Variants in PEAK1 observed in about 807,000 individuals in gnomAD.
PEAK1 encodes pseudopodium enriched atypical kinase 1.
PEAK1 carries 54 observed loss-of-function variants against 124.7 expected under a neutral mutation model. That is an observed-to-expected ratio of 0.43 (90% confidence interval 0.35 to 0.54). The LOEUF (loss-of-function observed/expected upper bound fraction) is 0.54. Among genes scored for constraint, PEAK1 ranks in the 20% least tolerant of loss-of-function variants. The probability of loss-of-function intolerance (pLI) is 0.01; values close to 1 mark genes in which losing one functional copy is unlikely to be tolerated. For synonymous variants in PEAK1, 719 were observed against 760.0 expected, an observed-to-expected ratio of 0.95 and a Z score of 0.89; for missense variants, 2,046 against 2,134.5, an observed-to-expected ratio of 0.96 and a Z score of 0.82.
intron 1 of PEAK1, among the ~76,000 whole-genome samples, chr15:77,395,752 C>T (rs1270627446): frequency 1.3e-5 from 2 of 151,920 alleles, no homozygotes; most frequent in African/African-American, 2.4e-5. Flanking sequence ...AAGGGCTTTC[C>T]CAGACAAACA....
At chr15:77,220,919 A>G (rs2059360387) in intron 6 of PEAK1, among the ~76,000 whole-genome samples, 1 of 152,138 alleles carries the variant, frequency 6.6e-6, no homozygotes, top group South Asian at 2.1e-4. Flanking sequence ...GAAACTAAAT[A>G]CAGACAATCC....
chr15:77,354,009 C>G (rs1379166246), intron 2 of PEAK1, among the ~76,000 whole-genome samples: 3 of 152,164 alleles, frequency 2.0e-5, no homozygotes, highest in East Asian at 3.9e-4. Context: ...CTAAATGTCC[C>G]TGAGGATTTT....
intron 2 of PEAK1, among the ~76,000 whole-genome samples, chr15:77,339,487 C>T (rs1417469515): frequency 1.3e-5 from 2 of 152,088 alleles, no homozygotes; most frequent in Non-Finnish European, 1.5e-5. Flanking sequence ...AAAATTCACA[C>T]AAAATTAAAT....
At chr15:77,291,343 T>C (rs2063201243) in intron 2 of PEAK1, among the ~76,000 whole-genome samples, 1 of 152,204 alleles carries the variant, frequency 6.6e-6, no homozygotes, top group Admixed American at 6.5e-5. Context: ...TTGACAGATA[T>C]AAATGCACAC....
chr15:77,349,519 C>T (rs1165718953), intron 2 of PEAK1: 22 of 984,892 alleles, frequency 2.2e-5, no homozygotes, highest in Non-Finnish European at 2.5e-5. Context: ...TATAATGTAG[C>T]AAGACTTACT....
intron 8 of PEAK1, among the ~76,000 whole-genome samples, chr15:77,152,736 A>C (rs2054762940): frequency 2.6e-5 from 4 of 152,172 alleles, no homozygotes; most frequent in South Asian, 2.1e-4. Context: ...TTCTGTATCT[A>C]TTGAGATAAT....
At chr15:77,385,117 C>T (rs1240422120) in intron 1 of PEAK1, among the ~76,000 whole-genome samples, 1 of 152,102 alleles carries the variant, frequency 6.6e-6, no homozygotes, top group Non-Finnish European at 1.5e-5. Flanking sequence ...AACCTAAAAT[C>T]TTCTCAGATT....
intron 1 of PEAK1, among the ~76,000 whole-genome samples, chr15:77,406,379 C>T (rs929991418): frequency 1.5e-4 from 23 of 152,232 alleles, no homozygotes; most frequent in African/African-American, 5.1e-4. Context: ...ACCTGGAAAA[C>T]CCTAAAGACT....
At chr15:77,311,129 A>T (rs932254697) in intron 2 of PEAK1, among the ~76,000 whole-genome samples, 14 of 152,206 alleles carry the variant, frequency 9.2e-5, no homozygotes, top group African/African-American at 3.4e-4. Flanking sequence ...GGTTATTATG[A>T]TGGTAGCCTA....
At chr15:77,266,859 G>A (rs1450185705) in intron 5 of PEAK1, among the ~76,000 whole-genome samples, 1 of 152,102 alleles carries the variant, frequency 6.6e-6, no homozygotes, top group Non-Finnish European at 1.5e-5. Context: ...GATTGCTGCT[G>A]TAGGCTCTGT....
chr15:77,313,565 C>G (rs1320911680), intron 2 of PEAK1, among the ~76,000 whole-genome samples: 1 of 151,184 alleles, frequency 6.6e-6, no homozygotes, highest in East Asian at 1.9e-4. Context: ...CTCCTGGGTT[C>G]AAGCGATTCT....
chr15:77,166,428 C>T (rs966527148), intron 7 of PEAK1, among the ~76,000 whole-genome samples: 1 of 152,166 alleles, frequency 6.6e-6, no homozygotes, highest in Non-Finnish European at 1.5e-5. Flanking sequence ...CCAGGTGATT[C>T]TTTGTTGTGG....
At chr15:77,289,836 G>T (rs1450282922) in intron 2 of PEAK1, among the ~76,000 whole-genome samples, 2 of 151,988 alleles carry the variant, frequency 1.3e-5, no homozygotes, top group Admixed American at 6.6e-5. Context: ...GTCTCAAAAA[G>T]AAAGAAAGAA....
At chr15:77,297,195 T>C (rs1048896704) in intron 2 of PEAK1, among the ~76,000 whole-genome samples, 4 of 151,904 alleles carry the variant, frequency 2.6e-5, no homozygotes, top group Non-Finnish European at 5.9e-5. Context: ...ACTTGATATA[T>C]GCTCTGAGGA....
Position 77,133,814 on chromosome 15 carries a change from C to A in PEAK1, c.3332-64G>T. 1 of 1,471,854 alleles carries A rather than the reference C, an allele frequency of 6.8e-7. No homozygotes were observed. Among genetic ancestry groups the A allele is most frequent in the East Asian group, 2.3e-5 (1 of 42,704 alleles). The allele number at this position is 1,471,854 out of a possible 1,614,324, so 91.2% of individuals were successfully genotyped here. A position where few individuals can be genotyped will look rare whatever the true frequency, so the allele number is the denominator to read the frequency against. ...TAAAGTTTTCAATCTAATTTTATAACTGAAACTTGAGCAGAAATGAGTGAG... is the reference window on the plus strand; with the variant it reads ...TAAAGTTTTCAATCTAATTTTATAAATGAAACTTGAGCAGAAATGAGTGAG... On this transcript the variant is annotated intron_variant, in intron 8 of 9. Coordinates refer to ENST00000682557, the MANE Select transcript of PEAK1 (RefSeq NM_001385026.1). The surrounding 1 kb of genome is among the most constrained non-coding windows in gnomAD (Gnocchi z 4.2).
intron 2 of PEAK1, among the ~76,000 whole-genome samples, chr15:77,322,033 G>A (rs2048577850): frequency 6.6e-6 from 1 of 152,144 alleles, no homozygotes; most frequent in Admixed American, 6.5e-5. Context: ...ATGACTACTG[G>A]ATACATAACG....
At chr15:77,343,510 G>A (rs1416839667) in intron 2 of PEAK1, among the ~76,000 whole-genome samples, 21 of 133,660 alleles carry the variant, frequency 1.6e-4, no homozygotes, top group Admixed American at 6.5e-4. Flanking sequence ...TTTTTGAGAC[G>A]GAGTCTCGCT....
intron 2 of PEAK1, among the ~76,000 whole-genome samples, chr15:77,341,624 CA>C (rs1355650991): frequency 2.0e-5 from 3 of 152,200 alleles, no homozygotes; most frequent in Admixed American, 2.0e-4. Context: ...CTACTCCCAC[CA>C]GGTCAGGCTG....
intron 6 of PEAK1, among the ~76,000 whole-genome samples, chr15:77,189,991 AAT>A (rs1215179432): frequency 6.6e-6 from 1 of 152,192 alleles, no homozygotes; most frequent in African/African-American, 2.4e-5. Context: ...GAAATAAGAA[AAT>A]AGTTAATGAT....
Sources: allele counts gnomAD v4.1 joint callset (sites outside exome capture counted in the v4.1 genomes callset), GRCh38; gene constraint gnomAD v4.1.1; non-coding constraint Gnocchi (gnomAD v3.1); transcripts MANE v1.5; gene names NCBI Gene and HGNC (gene_info 2026-07-23, HGNC 2026-07-21).